The following KAZN variants were observed in gnomAD, a reference collection of about 807,000 sequenced individuals.
The protein encoded by KAZN is kazrin.
In KAZN, 40 loss-of-function variants were observed where a neutral mutation model predicts 87.4. That is an observed-to-expected ratio of 0.46 (90% confidence interval 0.36 to 0.60). The LOEUF (loss-of-function observed/expected upper bound fraction) is 0.60. KAZN is among the 20% of genes least tolerant of loss of function. KAZN has a pLI of 0.00. For missense variants in KAZN, 898 were observed against 1,073.9 expected, an observed-to-expected ratio of 0.84 and a Z score of 2.29; for synonymous variants, 466 against 458.3, an observed-to-expected ratio of 1.02 and a Z score of -0.22.
At chr1:14,395,189 C>A (rs1006883078) in intron 2 of KAZN, among the ~76,000 whole-genome samples, 1 of 152,022 alleles carries the variant, frequency 6.6e-6, no homozygotes, top group Non-Finnish European at 1.5e-5. Flanking sequence ...AGAAAAGAGG[C>A]AGGGAGAGAA....
chr1:15,032,908 C>T (rs1335130780), intron 2 of KAZN, among the ~76,000 whole-genome samples: 1 of 151,470 alleles, frequency 6.6e-6, no homozygotes, highest in Non-Finnish European at 1.5e-5. Context: ...GAAATCGCGG[C>T]ACTGTACTCC....
intron 2 of KAZN, among the ~76,000 whole-genome samples, chr1:14,235,551 C>T (rs1003757085): frequency 1.3e-5 from 2 of 152,128 alleles, no homozygotes; most frequent in Non-Finnish European, 2.9e-5. Context: ...GGCCGCACAA[C>T]TCTGAATACA....
chr1:14,764,318 A>C (rs1331558563), intron 1 of KAZN, among the ~76,000 whole-genome samples: 2 of 151,480 alleles, frequency 1.3e-5, no homozygotes, highest in African/African-American at 4.9e-5. Context: ...TCCCCTTCCC[A>C]ATAAGCCTTC....
chr1:13,947,259 A>G (rs1464158683), intron 1 of KAZN, among the ~76,000 whole-genome samples: 1 of 152,174 alleles, frequency 6.6e-6, no homozygotes. Flanking sequence ...AAGAGCAGGG[A>G]AAACTGCCTT....
chr1:14,804,532 C>T (rs1242439131), intron 1 of KAZN, among the ~76,000 whole-genome samples: 2 of 152,104 alleles, frequency 1.3e-5, no homozygotes, highest in East Asian at 1.9e-4. Context: ...CCACAAAACC[C>T]GGGTGCTACT....
intron 1 of KAZN, among the ~76,000 whole-genome samples, chr1:14,008,409 T>A (rs191375823): frequency 1.1e-4 from 17 of 152,314 alleles, no homozygotes; most frequent in Admixed American, 1.1e-3. Flanking sequence ...TCTGCTGAAG[T>A]CATTATATTG....
In KAZN at chr1:14,447,529, G is replaced by A. The variant is rs137915169; in HGVS notation, c.250-151454G>A. 8.3e-4 allele frequency among the ~76,000 whole-genome samples: 127 copies of A among 152,150 alleles called. 1 individual carries two copies. The highest frequency in any genetic ancestry group is 3.0e-3 in the African/African-American group (123 of 41,510). On this transcript the variant is annotated intron_variant, in intron 2 of 16. Transcript: ENST00000636203. ...GCTGGGATTACAGGCATGAGCCACCGCGCCCAGCCCTCCACCACATTTTAA... is the reference window on the plus strand; with the variant it reads ...GCTGGGATTACAGGCATGAGCCACCACGCCCAGCCCTCCACCACATTTTAA...
intron 2 of KAZN, among the ~76,000 whole-genome samples, chr1:14,360,417 A>T (rs1235969420): frequency 6.6e-6 from 1 of 152,092 alleles, no homozygotes; most frequent in Non-Finnish European, 1.5e-5. Context: ...GTTTGTTATT[A>T]CACACATTCT....
At chr1:14,584,814 T>A (rs1426567635) in intron 2 of KAZN, among the ~76,000 whole-genome samples, 1 of 152,062 alleles carries the variant, frequency 6.6e-6, no homozygotes, top group East Asian at 1.9e-4. Context: ...CTGGCTAATT[T>A]TGTATTTTAG....
intron 1 of KAZN, among the ~76,000 whole-genome samples, chr1:14,137,329 G>C (rs958049028): frequency 6.6e-6 from 1 of 152,146 alleles, no homozygotes; most frequent in Non-Finnish European, 1.5e-5. Context: ...TCCCAGGTGC[G>C]TGGGTCAGGT....
intron 14 of KAZN, chr1:15,113,198 G>A (rs1377139462): frequency 6.6e-6 from 1 of 152,018 alleles, no homozygotes; most frequent in Non-Finnish European, 1.5e-5. Context: ...CCCTTAAGAA[G>A]CTCCATTCTA....
chr1:14,176,474 G>T (rs1646077937), intron 1 of KAZN, among the ~76,000 whole-genome samples: 1 of 152,160 alleles, frequency 6.6e-6, no homozygotes, highest in African/African-American at 2.4e-5. Context: ...AGACATGAGG[G>T]AACTTCTGTT....
chr1:15,050,154 A>AGAATG (rs1440584217), intron 4 of KAZN, among the ~76,000 whole-genome samples: 2 of 106,686 alleles, frequency 1.9e-5, no homozygotes, highest in East Asian at 1.1e-3. Context: ...ATAATAGAAT[A>AGAATG]GAATGGAATA....
chr1:14,735,085 A>G lies in KAZN; in HGVS notation c.226+135862A>G, dbSNP rs1441519006. Among the ~76,000 whole-genome samples, 2 of 149,812 alleles carry G rather than the reference A, an allele frequency of 1.3e-5. No homozygotes were observed. Among genetic ancestry groups the G allele is most frequent in the Non-Finnish European group, 2.9e-5 (2 of 67,996 alleles). Reference sequence around the variant, plus strand: ...TTTTTTTTGTTTTGTTTTGAGACGGAGTCTCGCTCTTTCGCCCAGGCCGGA... The same window carrying G: ...TTTTTTTTGTTTTGTTTTGAGACGGGGTCTCGCTCTTTCGCCCAGGCCGGA... On this transcript the variant is annotated intron_variant, in intron 1 of 14. Transcript: ENST00000376030. This position sits in a 1 kb window ranked among gnomAD's most constrained non-coding sequence, Gnocchi z 4.3.
intron 1 of KAZN, among the ~76,000 whole-genome samples, chr1:14,057,653 T>A (rs1451607515): frequency 6.6e-6 from 1 of 152,192 alleles, no homozygotes; most frequent in African/African-American, 2.4e-5. Flanking sequence ...CGTTTCTCCA[T>A]CCAGCAAATC....
At chr1:14,173,972 C>G (rs1646013558) in intron 1 of KAZN, among the ~76,000 whole-genome samples, 1 of 152,172 alleles carries the variant, frequency 6.6e-6, no homozygotes, top group South Asian at 2.1e-4. Flanking sequence ...CATTACACAA[C>G]CTAACACAGG....
At chr1:14,409,770 C>T (rs1664154015) in intron 2 of KAZN, among the ~76,000 whole-genome samples, 1 of 152,136 alleles carries the variant, frequency 6.6e-6, no homozygotes, top group African/African-American at 2.4e-5. Context: ...AACTGAGGGA[C>T]TAGACGCTCC....
Position 14,631,526 on chromosome 1 carries a change from C to T in KAZN, c.226+32303C>T, listed in dbSNP as rs949730227. On this transcript the variant is annotated intron_variant, in intron 1 of 14. Coordinates refer to ENST00000376030, the MANE Select transcript of KAZN (RefSeq NM_201628.3). ...GTGGTGTAGAGACGCAGGCCAGGCCCTCCAGCCCCGATCCTGCTACCTCTC... is the reference window on the plus strand; with the variant it reads ...GTGGTGTAGAGACGCAGGCCAGGCCTTCCAGCCCCGATCCTGCTACCTCTC... Among the ~76,000 whole-genome samples, 4 of 152,158 alleles carry T rather than the reference C, an allele frequency of 2.6e-5. No individual in the cohort carries two copies. In the South Asian group the frequency reaches 8.3e-4, roughly 32 times the overall value.
chr1:14,729,254 A>G (rs1217052136), intron 1 of KAZN, among the ~76,000 whole-genome samples: 2 of 152,174 alleles, frequency 1.3e-5, no homozygotes, highest in Non-Finnish European at 2.9e-5. Context: ...CAGTGACCCA[A>G]AGAGACTTAG....
Sources: gnomAD v4.1 joint callset for allele counts (sites outside exome capture counted in the v4.1 genomes callset) on GRCh38, gnomAD v4.1.1 for gene constraint, Gnocchi (gnomAD v3.1) non-coding constraint, MANE v1.5 for transcripts, NCBI Gene and HGNC (gene_info 2026-07-23, HGNC 2026-07-21) for gene names.